Variants in LRIG1 observed in about 807,000 individuals in gnomAD.
LRIG1 encodes the protein leucine-rich repeats and immunoglobulin-like domains protein 1.
In LRIG1, 48 loss-of-function variants were observed where a neutral mutation model predicts 99.2. The observed-to-expected ratio is 0.48, with a 90% CI of 0.38 to 0.62. The LOEUF (loss-of-function observed/expected upper bound fraction) is 0.62. Among genes scored for constraint, LRIG1 ranks in the 20% least tolerant of loss-of-function variants. The pLI is 0.00. For missense variants in LRIG1, 1,646 were observed against 1,434.4 expected (o/e 1.15, Z -2.38); for synonymous variants, 772 against 596.1 (o/e 1.29, Z -4.30).
At position 66,500,642 on chromosome 3, in the gene LRIG1, C is replaced by T. The variant is rs1051104000; in HGVS notation, c.-235G>A. 6 of 310,916 alleles carry T rather than the reference C, an allele frequency of 1.9e-5. No individual in the cohort carries two copies. Among genetic ancestry groups the T allele is most frequent in the African/African-American group, 6.6e-5 (3 of 45,416 alleles). 19.3% of individuals were successfully genotyped at this position (310,916 alleles called of 1,614,324 possible). ...AAACCCCGCGCCCATCCGGGCCGGCCGGCCCGCCCGCGCTAGCTGCGAACT... is the reference window on the plus strand; with the variant it reads ...AAACCCCGCGCCCATCCGGGCCGGCTGGCCCGCCCGCGCTAGCTGCGAACT... On this transcript the variant is annotated 5_prime_UTR_variant, in exon 1 of 19. Coordinates refer to ENST00000273261, the MANE Select transcript of LRIG1 (RefSeq NM_015541.3).
rs1420528922 is a variant in LRIG1, at chr3:66,410,246, T to G, written c.818A>C (p.Glu273Ala). Residue 273 changes from glutamate (E) to alanine (A), a missense_variant, in exon 7 of 19, where the codon GAA becomes GCA. Physicochemically the swap from Glu to Ala is moderately radical, Grantham distance 107. Coordinates refer to ENST00000273261, the MANE Select transcript of LRIG1 (RefSeq NM_015541.3). The stretch of plus-strand genomic sequence containing the variant: ...GCCGTAGAGCGAGCCGCTGTTCACT[T>G]CTACCAGGCTGTTGTACTCCAGGTG... ...VLHLEYNSLV[E>A]VNSGSLYGLT... is the part of the protein sequence containing the mutation. 2 of 1,612,118 alleles carry G rather than the reference T, an allele frequency of 1.2e-6. No homozygotes were observed. The highest frequency in any genetic ancestry group is 8.5e-7 in the Non-Finnish European group (1 of 1,179,058).
intron 3 of LRIG1, among the ~76,000 whole-genome samples, chr3:66,430,687 T>TTGGCATC (rs1340041843): frequency 6.6e-6 from 1 of 152,148 alleles, no homozygotes; most frequent in Non-Finnish European, 1.5e-5. Flanking sequence ...GTCAGCTGTC[T>TTGGCATC]TGGCATCTGG....
At chr3:66,431,178 A>G (rs1041140988) in intron 3 of LRIG1, among the ~76,000 whole-genome samples, 1 of 152,166 alleles carries the variant, frequency 6.6e-6, no homozygotes, top group African/African-American at 2.4e-5. Flanking sequence ...AAGAAGGCTA[A>G]ACATACTTCA....
At chr3:66,451,337 T>A (rs893835013) in intron 3 of LRIG1, among the ~76,000 whole-genome samples, 1 of 152,072 alleles carries the variant, frequency 6.6e-6, no homozygotes, top group African/African-American at 2.4e-5. Flanking sequence ...AAGACCTACT[T>A]TCTTGCAAAT....
intron 12 of LRIG1, 63 bp downstream of exon 12, chr3:66,393,977 A>G: frequency 6.5e-7 from 1 of 1,546,924 alleles, no homozygotes; most frequent in Non-Finnish European, 8.9e-7. Context: ...CCCATAATGA[A>G]GAGTACCTCC....
chr3:66,470,284 G>A (rs1700567948), intron 1 of LRIG1, among the ~76,000 whole-genome samples: 1 of 152,140 alleles, frequency 6.6e-6, no homozygotes, highest in Admixed American at 6.5e-5. Flanking sequence ...TCCCTAGCAT[G>A]GATAACATGA....
chr3:66,421,083 C>A (rs1191952855), intron 3 of LRIG1, among the ~76,000 whole-genome samples: 1 of 152,148 alleles, frequency 6.6e-6, no homozygotes, highest in Non-Finnish European at 1.5e-5. Context: ...AACCTGCCCC[C>A]ATAACTCAAT....
chr3:66,401,762 G>C, intron 9 of LRIG1: 1 of 979,930 alleles, frequency 1.0e-6, no homozygotes, highest in Non-Finnish European at 1.4e-6. Flanking sequence ...CCTTTCAGAA[G>C]GAACACCTGG....
intron 16 of LRIG1, 23 bp from the exon 17 acceptor site, chr3:66,381,654 T>C: frequency 1.2e-6 from 2 of 1,604,742 alleles, no homozygotes; most frequent in African/African-American, 1.3e-5. Context: ...TCCAACACGA[T>C]TAGAAACTCT....
At chr3:66,382,738 G>T (rs907777154) in intron 15 of LRIG1, among the ~76,000 whole-genome samples, 8 of 152,350 alleles carry the variant, frequency 5.3e-5, no homozygotes, top group African/African-American at 1.9e-4. Context: ...TTAGCAAGGA[G>T]AGGGAAAACT....
chr3:66,452,228 C>A (rs1355175151), intron 2 of LRIG1, among the ~76,000 whole-genome samples: 1 of 152,230 alleles, frequency 6.6e-6, no homozygotes, highest in Non-Finnish European at 1.5e-5. Flanking sequence ...TATATACACA[C>A]ACTTTTGCGC....
intron 13 of LRIG1, among the ~76,000 whole-genome samples, chr3:66,384,745 G>A (rs896819882): frequency 2.6e-5 from 4 of 152,158 alleles, no homozygotes; most frequent in Admixed American, 1.3e-4. Context: ...CCATTTGGAT[G>A]GTTGTTCACC....
intron 3 of LRIG1, among the ~76,000 whole-genome samples, chr3:66,433,947 G>T (rs563911207): frequency 5.0e-4 from 76 of 152,270 alleles, no homozygotes; most frequent in Non-Finnish European, 7.3e-5. Flanking sequence ...TTAAAAACAT[G>T]TCATCATGAA....
chr3:66,382,845 G>T (rs554072326), intron 15 of LRIG1, 137 bp downstream of exon 15: 2 of 737,678 alleles, frequency 2.7e-6, no homozygotes, highest in Non-Finnish European at 4.3e-6. Context: ...AAGTTAAAAT[G>T]GAATTAGTGG....
At chr3:66,429,797 TG>T (rs1703100606) in intron 3 of LRIG1, among the ~76,000 whole-genome samples, 1 of 151,920 alleles carries the variant, frequency 6.6e-6, no homozygotes, top group African/African-American at 2.4e-5. Flanking sequence ...GGTGTGTGTG[TG>T]TGTGTGTGTG....
chr3:66,481,755 G>A (rs1018692496), intron 1 of LRIG1, among the ~76,000 whole-genome samples: 1 of 152,158 alleles, frequency 6.6e-6, no homozygotes, highest in Non-Finnish European at 1.5e-5. Context: ...AAACGAGAAG[G>A]GATGTCTAAA....
Position 66,380,126 on chromosome 3 carries a change from C to A in LRIG1, c.*137G>T. On this transcript the variant is annotated 3_prime_UTR_variant, in exon 19 of 19. Coordinates refer to ENST00000273261, the MANE Select transcript of LRIG1 (RefSeq NM_015541.3). ...GTTTACTGTGCTTCAGATCCAAGTC[C>A]TGTGAGCGACTGATACTCCACATGG... is the stretch of plus-strand genomic sequence containing the variant. 1 of 675,768 alleles carries A rather than the reference C, an allele frequency of 1.5e-6. No individual in the cohort carries two copies. The highest frequency in any genetic ancestry group is 2.4e-6 in the Non-Finnish European group (1 of 410,288). The allele number at this position is 675,768 out of a possible 1,614,324, so 41.9% of individuals were successfully genotyped here.
chr3:66,432,104 G>A (rs1470799103), intron 3 of LRIG1, among the ~76,000 whole-genome samples: 1 of 152,208 alleles, frequency 6.6e-6, no homozygotes, highest in Non-Finnish European at 1.5e-5. Context: ...TAAGAAGTGT[G>A]GTGGAGAGCT....
chr3:66,405,341 A>C (rs1575665414), intron 8 of LRIG1, 63 bp from the exon 9 acceptor site: 3 of 1,311,612 alleles, frequency 2.3e-6, no homozygotes, highest in Admixed American at 1.7e-5. Flanking sequence ...GCAAACTCTC[A>C]CCCAGCCTGC....
Sources: gnomAD v4.1 joint callset for allele counts (sites outside exome capture counted in the v4.1 genomes callset) on GRCh38, gnomAD v4.1.1 for gene constraint, MANE v1.5 for transcripts, NCBI Gene and HGNC (gene_info 2026-07-23, HGNC 2026-07-21) for gene names.